Variants in AGBL1 observed in about 807,000 individuals in gnomAD.
AGBL1 encodes the protein cytosolic carboxypeptidase 4.
AGBL1 carries 130 observed loss-of-function variants against 118.9 expected under a neutral mutation model. The observed-to-expected ratio is 1.09, with a 90% CI of 0.95 to 1.26. The LOEUF (loss-of-function observed/expected upper bound fraction) is 1.26. Ranked by LOEUF, AGBL1 falls within the 50% of genes most tolerant of loss-of-function variation. AGBL1 has a pLI of 0.00. For missense variants in AGBL1, 1,584 were observed against 1,298.1 expected (o/e 1.22, Z -3.38); for synonymous variants, 555 against 478.9 (o/e 1.16, Z -2.08).
intron 21 of AGBL1, among the ~76,000 whole-genome samples, chr15:86,576,814 T>C (rs1436838841): frequency 6.6e-6 from 1 of 152,218 alleles, no homozygotes; most frequent in Non-Finnish European, 1.5e-5. Flanking sequence ...GCACAAGCCC[T>C]CTCTCTTTTT....
chr15:86,210,431 C>A (rs1185339311), intron 5 of AGBL1, among the ~76,000 whole-genome samples: 2 of 152,198 alleles, frequency 1.3e-5, no homozygotes, highest in African/African-American at 4.8e-5. Context: ...GTTTCATTCT[C>A]CCTGTCACTT....
At chr15:86,644,964 C>T (rs1368246570) in intron 21 of AGBL1, among the ~76,000 whole-genome samples, 3 of 151,536 alleles carry the variant, frequency 2.0e-5, no homozygotes, top group Non-Finnish European at 4.4e-5. Flanking sequence ...GAGGTTGCAG[C>T]GAGCGGAGAT....
intron 22 of AGBL1, among the ~76,000 whole-genome samples, chr15:86,798,235 G>A (rs1008847715): frequency 3.3e-5 from 5 of 152,152 alleles, no homozygotes; most frequent in African/African-American, 9.7e-5. Context: ...GAGTGACAGA[G>A]TTGGCTTGGT....
intron 21 of AGBL1, among the ~76,000 whole-genome samples, chr15:86,589,878 G>T (rs1054683408): frequency 6.6e-6 from 1 of 152,022 alleles, no homozygotes; most frequent in Admixed American, 6.6e-5. Context: ...ATTTCTGTAT[G>T]CATTTCCTAA....
At chr15:86,729,091 C>G (rs371899492) in intron 22 of AGBL1, among the ~76,000 whole-genome samples, 1 of 152,178 alleles carries the variant, frequency 6.6e-6, no homozygotes, top group Non-Finnish European at 1.5e-5. Context: ...AATAGAGTCT[C>G]CTAGGCCTGT....
At chr15:86,553,865 AC>A (rs1188951027) in intron 20 of AGBL1, among the ~76,000 whole-genome samples, 1 of 118,696 alleles carries the variant, frequency 8.4e-6, no homozygotes. Context: ...TTTATTTCTA[AC>A]TTTTTTTTTT....
chr15:86,970,533 G>A (rs116748463), intron 23 of AGBL1, among the ~76,000 whole-genome samples: 3,013 of 152,032 alleles, frequency 0.02, 107 homozygotes, highest in African/African-American at 0.069. Flanking sequence ...AGTCATAGTG[G>A]TGGAGCAATG....
intron 23 of AGBL1, among the ~76,000 whole-genome samples, chr15:86,987,057 A>T (rs1422516708): frequency 1.3e-5 from 2 of 152,138 alleles, no homozygotes; most frequent in Admixed American, 1.3e-4. Context: ...CAGGAGAAGG[A>T]ATTTCACAAG....
chr15:86,849,879 G>C (rs941672944), intron 22 of AGBL1, among the ~76,000 whole-genome samples: 1 of 152,158 alleles, frequency 6.6e-6, no homozygotes, highest in East Asian at 1.9e-4. Flanking sequence ...GGCCTCTGTC[G>C]ACATCACGCT....
intron 19 of AGBL1, among the ~76,000 whole-genome samples, chr15:86,526,018 G>A: frequency 6.6e-6 from 1 of 151,976 alleles, no homozygotes; most frequent in East Asian, 1.9e-4. Flanking sequence ...AAATCAGCAA[G>A]ACAAAAAAGA....
At chr15:86,207,236 G>C (rs2078009377) in intron 5 of AGBL1, among the ~76,000 whole-genome samples, 1 of 152,208 alleles carries the variant, frequency 6.6e-6, no homozygotes, top group South Asian at 2.1e-4. Flanking sequence ...TTTGAAGTCA[G>C]GCAGCATGAT....
chr15:86,696,607 G>A (rs191916725), intron 22 of AGBL1, among the ~76,000 whole-genome samples: 1 of 151,946 alleles, frequency 6.6e-6, no homozygotes, highest in East Asian at 1.9e-4. Flanking sequence ...GTATTGAGAT[G>A]TGAGGTACTA....
At chr15:86,989,922 G>A (rs1441331245) in intron 24 of AGBL1, among the ~76,000 whole-genome samples, 1 of 152,190 alleles carries the variant, frequency 6.6e-6, no homozygotes, top group African/African-American at 2.4e-5. Flanking sequence ...TGGCGAAGGG[G>A]TGGCAAGTAA....
At chr15:86,477,985 A>G (rs1166103984) in intron 18 of AGBL1, among the ~76,000 whole-genome samples, 1 of 152,240 alleles carries the variant, frequency 6.6e-6, no homozygotes, top group Non-Finnish European at 1.5e-5. Context: ...CAAAACCCAC[A>G]TGATTATCTC....
intron 18 of AGBL1, among the ~76,000 whole-genome samples, chr15:86,409,095 T>C (rs1648433296): frequency 6.6e-6 from 1 of 152,202 alleles, no homozygotes; most frequent in Non-Finnish European, 1.5e-5. Flanking sequence ...GCCTGGCAAA[T>C]GCCTGTCAGT....
At chr15:86,827,340 T>C (rs1455906687) in intron 22 of AGBL1, among the ~76,000 whole-genome samples, 25 of 6,704 alleles carry the variant, frequency 3.7e-3, no homozygotes, top group Admixed American at 6.5e-3. Context: ...TATATATATG[T>C]GTATATATAT....
chr15:87,009,698 G>T (rs949501037), intron 24 of AGBL1, among the ~76,000 whole-genome samples: 1 of 152,182 alleles, frequency 6.6e-6, no homozygotes, highest in African/African-American at 2.4e-5. Flanking sequence ...AGCCACAGGG[G>T]CAGAGCTCCC....
chr15:86,195,779 A>G (rs1312318965), intron 5 of AGBL1, among the ~76,000 whole-genome samples: 1 of 152,236 alleles, frequency 6.6e-6, no homozygotes, highest in Non-Finnish European at 1.5e-5. Context: ...GATACTGGCT[A>G]TGCAAGATTT....
intron 18 of AGBL1, among the ~76,000 whole-genome samples, chr15:86,506,747 G>A (rs142309118): frequency 1.7e-3 from 266 of 152,174 alleles, no homozygotes; most frequent in Non-Finnish European, 3.1e-3. Context: ...GCCTTAGAGG[G>A]AGGGGAGAGG....
Sources: gnomAD v4.1 joint callset for allele counts (sites outside exome capture counted in the v4.1 genomes callset) on GRCh38, gnomAD v4.1.1 for gene constraint, MANE v1.5 for transcripts, NCBI Gene and HGNC (gene_info 2026-07-23, HGNC 2026-07-21) for gene names.